Variants in EIF3E observed in about 807,000 individuals in gnomAD.
EIF3E encodes the protein eukaryotic translation initiation factor 3 subunit E.
In EIF3E, 25 loss-of-function variants were observed where a neutral mutation model predicts 59.3. The observed-to-expected ratio is 0.42, with a 90% CI of 0.31 to 0.59. The LOEUF (loss-of-function observed/expected upper bound fraction) is 0.59, where lower values mean the gene tolerates loss of function less well. Among genes scored for constraint, EIF3E ranks in the 20% least tolerant of loss-of-function variants. The pLI, the probability that EIF3E is intolerant of heterozygous loss-of-function variation, is 0.15. For synonymous variants in EIF3E, 176 were observed against 170.2 expected, an observed-to-expected ratio of 1.03 and a Z score of -0.26; for missense variants, 317 against 534.3, an observed-to-expected ratio of 0.59 and a Z score of 4.01.
Position 108,201,720 on chromosome 8 carries a change from A to T in EIF3E, c.*165T>A. 2 of 607,670 alleles carry T rather than the reference A, an allele frequency of 3.3e-6. No homozygotes were observed. Among genetic ancestry groups the T allele is most frequent in the Non-Finnish European group, 2.5e-6 (1 of 392,930 alleles). The allele number at this position is 607,670 out of a possible 1,614,324, so 37.6% of individuals were successfully genotyped here. ...AAGTTAAAAAAACACAAACTTGCAC[A>T]TGCAAGAAAACTGACAGCAAGATAA... is the stretch of plus-strand genomic sequence containing the variant. On this transcript the variant is annotated 3_prime_UTR_variant, in exon 13 of 13. Coordinates refer to ENST00000220849, the MANE Select transcript of EIF3E (RefSeq NM_001568.3).
At chr8:108,215,368 C>T (rs1253713249) in intron 9 of EIF3E, among the ~76,000 whole-genome samples, 4 of 152,000 alleles carry the variant, frequency 2.6e-5, no homozygotes, top group African/African-American at 9.7e-5. Context: ...CCTGTAATCC[C>T]AGCACTTTGG....
At chr8:108,210,070 G>A (rs1375303383) in intron 10 of EIF3E, among the ~76,000 whole-genome samples, 3 of 149,396 alleles carry the variant, frequency 2.0e-5, no homozygotes, top group Non-Finnish European at 3.0e-5. Flanking sequence ...GCCAGATCTT[G>A]CATCAAAATC....
intron 5 of EIF3E, among the ~76,000 whole-genome samples, chr8:108,231,515 C>T (rs1431767726): frequency 6.6e-6 from 1 of 151,994 alleles, no homozygotes; most frequent in Non-Finnish European, 1.5e-5. Flanking sequence ...ACAGGAAATA[C>T]ATTTTACATC....
rs371703110 is a variant in EIF3E at position 108,233,948 on chromosome 8, GTT to G, written c.471+1048_471+1049del. ...ATGAGAGGCTAGTTAATACAAGGAT[GTT>G]TTGATAACTGTAGAAGGCACTTAAT... On this transcript the variant is annotated intron_variant, in intron 5 of 12. Coordinates refer to ENST00000220849, the MANE Select transcript of EIF3E (RefSeq NM_001568.3). Among the ~76,000 whole-genome samples the G allele has an allele frequency of 3.8e-3, 576 of 151,306 alleles. 2 individuals carry two copies. The highest frequency in any genetic ancestry group is 0.014 in the Middle Eastern group (4 of 290).
In EIF3E at chr8:108,201,681, T is replaced by C. The variant is rs1017877352; in HGVS notation, c.*204A>G. On this transcript the variant is annotated 3_prime_UTR_variant, in exon 13 of 13. Coordinates refer to ENST00000220849, the MANE Select transcript of EIF3E (RefSeq NM_001568.3). Reference sequence around the variant, plus strand: ...TTTTGCAAATTCCTCTGAATATAATTATTCCAAAAAAGAAAGTTAAAAAAA... The same window carrying C: ...TTTTGCAAATTCCTCTGAATATAATCATTCCAAAAAAGAAAGTTAAAAAAA... 2.2e-6 allele frequency: 1 copy of C among 460,646 alleles called. No homozygotes were observed. Among genetic ancestry groups the C allele is most frequent in the African/African-American group, 2.1e-5 (1 of 48,776 alleles). 28.5% of individuals were successfully genotyped at this position (460,646 alleles called of 1,614,324 possible).
intron 11 of EIF3E, 102 bp from the exon 12 acceptor site, chr8:108,203,219 T>G (rs923012262): frequency 2.6e-5 from 23 of 901,150 alleles, no homozygotes; most frequent in Admixed American, 9.3e-5. Context: ...TAATGCACTG[T>G]ATAGAGATGA....
At chr8:108,218,782 C>CTTTTTTTTTTTTTTTTTTTTTTTTTTTT in intron 7 of EIF3E, among the ~76,000 whole-genome samples, 2 of 111,162 alleles carry the variant, frequency 1.8e-5, no homozygotes, top group Non-Finnish European at 3.5e-5. Flanking sequence ...TATTTTATTT[C>CTTTTTTTTTTTTTTTTTTTTTTTTTTTT]TTTTTTTTTT....
chr8:108,247,344 T>A (rs1815966403), intron 1 of EIF3E, among the ~76,000 whole-genome samples: 2 of 152,230 alleles, frequency 1.3e-5, no homozygotes, highest in Admixed American at 6.5e-5. Context: ...TTTTACTAGA[T>A]CTTTTGTCCT....
chr8:108,230,618 G>A (rs1317015653), intron 5 of EIF3E, among the ~76,000 whole-genome samples: 1 of 151,984 alleles, frequency 6.6e-6, no homozygotes, highest in Non-Finnish European at 1.5e-5. Flanking sequence ...CTAAGAGCAG[G>A]CAAATAACAC....
chr8:108,234,453 C>T (rs1815685795), intron 5 of EIF3E: 1 of 152,222 alleles, frequency 6.6e-6, no homozygotes, highest in African/African-American at 2.4e-5. Context: ...CATTTAAACT[C>T]ATCTATACCC....
intron 1 of EIF3E, among the ~76,000 whole-genome samples, chr8:108,246,458 T>C (rs1461777596): frequency 2.0e-5 from 3 of 152,226 alleles, no homozygotes; most frequent in Non-Finnish European, 2.9e-5. Context: ...CATTTATTTT[T>C]ACCTTATATC....
chr8:108,220,660 T>C (rs555360663), intron 7 of EIF3E, among the ~76,000 whole-genome samples: 2 of 152,362 alleles, frequency 1.3e-5, no homozygotes, highest in South Asian at 4.1e-4. Context: ...CATTCAGTGT[T>C]TGATAACGGG....
At chr8:108,211,419 C>G (rs192968756) in intron 10 of EIF3E, among the ~76,000 whole-genome samples, 3 of 152,046 alleles carry the variant, frequency 2.0e-5, no homozygotes, top group Non-Finnish European at 4.4e-5. Context: ...CTGTTCATAT[C>G]CTTTGCCCAC....
intron 4 of EIF3E, among the ~76,000 whole-genome samples, chr8:108,235,842 T>C (rs1250716871): frequency 6.6e-6 from 1 of 152,250 alleles, no homozygotes; most frequent in African/African-American, 2.4e-5. Flanking sequence ...AAAGGCATCC[T>C]ATGCCCTATA....
chr8:108,228,624 C>T (rs1050910959), intron 6 of EIF3E, among the ~76,000 whole-genome samples: 12 of 152,088 alleles, frequency 7.9e-5, no homozygotes, highest in Non-Finnish European at 5.9e-5. Flanking sequence ...ACTGAAGACG[C>T]TCTAATTTAT....
chr8:108,224,910 C>G (rs1174738632), intron 7 of EIF3E, among the ~76,000 whole-genome samples: 1 of 151,510 alleles, frequency 6.6e-6, no homozygotes, highest in Non-Finnish European at 1.5e-5. Flanking sequence ...AAAAAACACA[C>G]AAAAAGTTTC....
intron 1 of EIF3E, chr8:108,242,697 T>C (rs1815861191): frequency 4.5e-6 from 5 of 1,109,762 alleles, no homozygotes; most frequent in Middle Eastern, 4.3e-4. Context: ...AGAACTCCTA[T>C]AAATGAGTAA....
At chr8:108,215,616 T>A (rs1815288206) in intron 9 of EIF3E, among the ~76,000 whole-genome samples, 1 of 152,010 alleles carries the variant, frequency 6.6e-6, no homozygotes, top group African/African-American at 2.4e-5. Context: ...AGACTCTGTC[T>A]GAAAAAAAAT....
Position 108,234,979 on chromosome 8 carries a change from A to C in EIF3E, c.471+19T>G, listed in dbSNP as rs1563635803. On this transcript the variant is annotated intron_variant, in intron 5 of 12. Coordinates refer to ENST00000220849, the MANE Select transcript of EIF3E (RefSeq NM_001568.3). ...AAAAGACAAAAAAAAAAAAAAAAAA[A>C]ACATGTACTTATACTTACCAGCACT... 2 of 1,267,720 alleles carry C rather than the reference A, an allele frequency of 1.6e-6. No homozygotes were observed. Among genetic ancestry groups the C allele is most frequent in the Non-Finnish European group, 2.2e-6 (2 of 913,416 alleles). 78.5% of individuals were successfully genotyped at this position (1,267,720 alleles called of 1,614,324 possible).
Sources: gnomAD v4.1 joint callset for allele counts (sites outside exome capture counted in the v4.1 genomes callset) on GRCh38, gnomAD v4.1.1 for gene constraint, MANE v1.5 for transcripts, NCBI Gene and HGNC (gene_info 2026-07-23, HGNC 2026-07-21) for gene names.